The following ADAMTS19 variants were observed in gnomAD, a reference collection of about 807,000 sequenced individuals.
ADAMTS19 encodes the protein A disintegrin and metalloproteinase with thrombospondin motifs 19.
ADAMTS19 carries 93 observed loss-of-function variants against 153.3 expected under a neutral mutation model. The observed-to-expected ratio is 0.61, with a 90% CI of 0.51 to 0.72. The LOEUF (loss-of-function observed/expected upper bound fraction) is 0.72, where lower values mean the gene tolerates loss of function less well. Among genes scored for constraint, ADAMTS19 ranks in the 30% least tolerant of loss-of-function variants. The pLI is 0.00. For synonymous variants in ADAMTS19, 600 were observed against 556.6 expected (o/e 1.08, Z -1.10); for missense variants, 1,482 against 1,552.1 (o/e 0.95, Z 0.76).
At chr5:129,488,614 AAATAATTCTG>A (rs1750670782) in intron 2 of ADAMTS19, among the ~76,000 whole-genome samples, 1 of 152,114 alleles carries the variant, frequency 6.6e-6, no homozygotes, top group Admixed American at 6.6e-5. Context: ...AGCCAATAGA[AAATAATTCTG>A]AAGTCATTGT....
At chr5:129,733,403 T>C (rs534174450) in intron 21 of ADAMTS19, among the ~76,000 whole-genome samples, 5 of 152,064 alleles carry the variant, frequency 3.3e-5, no homozygotes, top group Middle Eastern at 3.4e-3. Flanking sequence ...TTTCAAACTA[T>C]GCATCTGACA....
At chr5:129,504,152 G>C (rs140348728) in intron 2 of ADAMTS19, among the ~76,000 whole-genome samples, 2 of 152,074 alleles carry the variant, frequency 1.3e-5, no homozygotes, top group East Asian at 3.9e-4. Flanking sequence ...GCTCAAACCA[G>C]ACATCTTCCA....
intron 8 of ADAMTS19, among the ~76,000 whole-genome samples, chr5:129,610,559 G>A (rs927410985): frequency 2.6e-5 from 4 of 151,948 alleles, no homozygotes; most frequent in African/African-American, 9.7e-5. Flanking sequence ...TTGTCCTTGC[G>A]ATAGTTTGCT....
At position 129,684,199 on chromosome 5, in the gene ADAMTS19, G is replaced by A. The variant is rs1459488609; in HGVS notation, c.2744G>A (p.Ser915Asn). 1 of 1,614,172 alleles carries A rather than the reference G, an allele frequency of 6.2e-7. No individual in the cohort carries two copies. The highest frequency in any genetic ancestry group is 1.1e-5 in the South Asian group (1 of 91,082). ...IPSDPLPENQSSKAPEPLFMW... is the reference protein window; with the variant it reads ...IPSDPLPENQNSKAPEPLFMW... ...TCAGACCCTCTTCCAGAAAACCAGAGCTCTAAAGCACCTGAGCCCCTCTTC... is the reference window on the plus strand; with the variant it reads ...TCAGACCCTCTTCCAGAAAACCAGAACTCTAAAGCACCTGAGCCCCTCTTC... The change falls in exon 18 of 23, where the codon AGC becomes AAC. Residue 915 changes from serine (S) to asparagine (N), a missense_variant. Physicochemically the swap from Ser to Asn is conservative, Grantham distance 46. Coordinates refer to ENST00000274487, the MANE Select transcript of ADAMTS19 (RefSeq NM_133638.6).
intron 2 of ADAMTS19, among the ~76,000 whole-genome samples, chr5:129,465,303 A>G (rs1234623327): frequency 7.0e-6 from 1 of 143,804 alleles, no homozygotes; most frequent in East Asian, 2.0e-4. Flanking sequence ...AAGTTAACAC[A>G]ATGTTTTTTT....
chr5:129,526,399 G>C lies in ADAMTS19; in HGVS notation c.1029G>C (p.Met343Ile), dbSNP rs1256490671. Residue 343 changes from methionine (M) to isoleucine (I), a missense_variant, in exon 4 of 23, where the codon ATG becomes ATC. Around this residue, in one of 2 missense-constraint regions of ADAMTS19, gnomAD observed 866 missense variants for 827.7 expected, o/e 1.05. Transcript: ENST00000274487. ...CTGTAGTGGTTGCAGACCCAGCAATGGTTTCCTATCATGGAGCAGATGCAG... is the reference window on the plus strand; with the variant it reads ...CTGTAGTGGTTGCAGACCCAGCAATCGTTTCCTATCATGGAGCAGATGCAG... ...IETVVVADPA[M>I]VSYHGADAAR... 13 of 1,603,278 alleles carry C rather than the reference G, an allele frequency of 8.1e-6. No homozygotes were observed. The highest frequency in any genetic ancestry group is 1.7e-4 in the Middle Eastern group (1 of 6,042).
chr5:129,656,128 A>C (rs1412350031), intron 14 of ADAMTS19, among the ~76,000 whole-genome samples: 2 of 152,198 alleles, frequency 1.3e-5, no homozygotes, highest in Non-Finnish European at 2.9e-5. Context: ...TGTATAAGCC[A>C]AATTTTTACA....
chr5:129,508,964 C>T, intron 2 of ADAMTS19, 113 bp from the exon 3 acceptor site: 3 of 833,108 alleles, frequency 3.6e-6, no homozygotes, highest in Non-Finnish European at 5.3e-6. Flanking sequence ...GTTAGTTTCA[C>T]TAGAAGACTG....
chr5:129,570,606 C>G (rs887141727), intron 7 of ADAMTS19, among the ~76,000 whole-genome samples: 4 of 146,778 alleles, frequency 2.7e-5, no homozygotes, highest in Non-Finnish European at 4.5e-5. Flanking sequence ...TACTAAAAAC[C>G]AAACTAAGGA....
chr5:129,703,710 C>T (rs1025881822), intron 20 of ADAMTS19, among the ~76,000 whole-genome samples: 9 of 151,878 alleles, frequency 5.9e-5, no homozygotes, highest in East Asian at 5.8e-4. Context: ...CCAACCGGGG[C>T]GACAGAATGA....
At chr5:129,666,409 C>T (rs1010531958) in intron 16 of ADAMTS19, among the ~76,000 whole-genome samples, 1 of 151,070 alleles carries the variant, frequency 6.6e-6, no homozygotes, top group African/African-American at 2.5e-5. Flanking sequence ...GCTCTCAAGC[C>T]TATTTTTTTA....
At chr5:129,568,505 C>T (rs1753791807) in intron 7 of ADAMTS19, among the ~76,000 whole-genome samples, 1 of 151,956 alleles carries the variant, frequency 6.6e-6, no homozygotes, top group South Asian at 2.1e-4. Context: ...TAAAAATATA[C>T]ACAGAAGGAT....
chr5:129,640,197 A>T (rs1044888910), intron 10 of ADAMTS19, among the ~76,000 whole-genome samples: 1 of 152,150 alleles, frequency 6.6e-6, no homozygotes, highest in Non-Finnish European at 1.5e-5. Flanking sequence ...ATAGACTTGA[A>T]TTTCATTGGA....
At chr5:129,583,974 T>A (rs546243816) in intron 7 of ADAMTS19, among the ~76,000 whole-genome samples, 84 of 152,192 alleles carry the variant, frequency 5.5e-4, no homozygotes, top group Middle Eastern at 3.4e-3. Flanking sequence ...GTTGTGATCA[T>A]TTGGACGAGA....
In ADAMTS19 at chr5:129,464,863, T is replaced by C. The variant is rs867963714; in HGVS notation, c.747+3106T>C. On this transcript the variant is annotated intron_variant, in intron 2 of 22. Coordinates refer to ENST00000274487, the MANE Select transcript of ADAMTS19 (RefSeq NM_133638.6). ...AGTGTATTATTGAATAACAGTCTTATTTGAGTCATATATTAGATCTTATAA... is the reference window on the plus strand; with the variant it reads ...AGTGTATTATTGAATAACAGTCTTACTTGAGTCATATATTAGATCTTATAA... Among the ~76,000 whole-genome samples the C allele has an allele frequency of 4.6e-5, 7 of 152,348 alleles. No homozygotes were observed. The Middle Eastern group carries it at 0.01, about 222-fold the overall frequency.
At chr5:129,576,046 C>A (rs1344975926) in intron 7 of ADAMTS19, among the ~76,000 whole-genome samples, 2 of 129,436 alleles carry the variant, frequency 1.5e-5, no homozygotes, top group Non-Finnish European at 3.2e-5. Flanking sequence ...CATCTTAATG[C>A]GGGGAGGAAG....
At chr5:129,583,776 C>T (rs1749643825) in intron 7 of ADAMTS19, among the ~76,000 whole-genome samples, 1 of 151,824 alleles carries the variant, frequency 6.6e-6, no homozygotes, top group African/African-American at 2.4e-5. Context: ...CATTTCTGTT[C>T]TTCTCAAAAC....
chr5:129,536,851 T>C (rs1752451770), intron 6 of ADAMTS19, among the ~76,000 whole-genome samples: 1 of 150,356 alleles, frequency 6.7e-6, no homozygotes, highest in African/African-American at 2.5e-5. Flanking sequence ...TAGGTGGGAA[T>C]TGAACAATGA....
chr5:129,612,423 T>C (rs1300902476), intron 8 of ADAMTS19, among the ~76,000 whole-genome samples: 1 of 152,018 alleles, frequency 6.6e-6, no homozygotes, highest in African/African-American at 2.4e-5. Context: ...ACCCAGAATT[T>C]CATATCCAGC....
Sources: allele counts gnomAD v4.1 joint callset (sites outside exome capture counted in the v4.1 genomes callset), GRCh38; gene constraint gnomAD v4.1.1; regional missense constraint gnomAD v4.1.1; transcripts MANE v1.5; gene names NCBI Gene and HGNC (gene_info 2026-07-23, HGNC 2026-07-21).